Variants in FLT3 observed in about 807,000 individuals in gnomAD.
FLT3 encodes receptor-type tyrosine-protein kinase FLT3.
Under a neutral mutation model 126.6 loss-of-function variants are expected in FLT3, and 46 were observed. That is an observed-to-expected ratio of 0.36 (90% CI 0.29 to 0.46). FLT3 has a LOEUF of 0.46. Among genes scored for constraint, FLT3 ranks in the 20% least tolerant of loss-of-function variants. The pLI, the probability that FLT3 is intolerant of heterozygous loss-of-function variation, is 1.00. For missense variants in FLT3, 1,069 were observed against 1,190.3 expected (o/e 0.90, Z 1.50); for synonymous variants, 404 against 434.4 (o/e 0.93, Z 0.87).
intron 3 of FLT3, among the ~76,000 whole-genome samples, chr13:28,059,714 C>A (rs1024546721): frequency 6.6e-6 from 1 of 152,118 alleles, no homozygotes; most frequent in Non-Finnish European, 1.5e-5. Flanking sequence ...GTAATCCCAG[C>A]ACTTTGGGAG....
intron 5 of FLT3, 78 bp from the exon 6 acceptor site, chr13:28,050,300 T>G: frequency 7.0e-7 from 1 of 1,431,522 alleles, no homozygotes; most frequent in African/African-American, 1.4e-5. Context: ...AGAACAAAGT[T>G]CTAGAGCCAG....
intron 9 of FLT3, among the ~76,000 whole-genome samples, chr13:28,039,836 C>T (rs926526735): frequency 2.0e-5 from 3 of 152,114 alleles, no homozygotes; most frequent in African/African-American, 7.2e-5. Flanking sequence ...GCATGAGCCA[C>T]TGCACCTAGC....
intron 8 of FLT3, 48 bp downstream of exon 8, chr13:28,049,336 A>G: frequency 6.4e-7 from 1 of 1,551,160 alleles, no homozygotes; most frequent in Non-Finnish European, 8.8e-7. Flanking sequence ...ATTCCACACT[A>G]CAGCGACTAA....
chr13:28,030,280 G>C (rs1038652492), intron 15 of FLT3, among the ~76,000 whole-genome samples: 1 of 152,146 alleles, frequency 6.6e-6, no homozygotes, highest in Non-Finnish European at 1.5e-5. Context: ...TCAGCTTCAC[G>C]CTGGACAGGG....
intron 1 of FLT3, among the ~76,000 whole-genome samples, chr13:28,091,738 C>T (rs1879119736): frequency 6.6e-6 from 1 of 152,070 alleles, no homozygotes; most frequent in Non-Finnish European, 1.5e-5. Context: ...CATTCAAGAC[C>T]AGCCTGGGTA....
chr13:28,016,819 G>C (rs75672611), intron 20 of FLT3, among the ~76,000 whole-genome samples: 1,898 of 152,322 alleles, frequency 0.012, 19 homozygotes, highest in Non-Finnish European at 0.018. Context: ...AGCAGTCTAT[G>C]ATGAGTAGGA....
At chr13:28,015,381 G>A (rs1293907959) in intron 21 of FLT3, 125 bp from the exon 22 acceptor site, 4 of 783,472 alleles carry the variant, frequency 5.1e-6, no homozygotes, top group Non-Finnish European at 8.7e-6. Context: ...ACGGGCTGCG[G>A]CTGGGAAAAA....
chr13:28,059,958 C>CAATAAATA (rs10523017), intron 3 of FLT3, among the ~76,000 whole-genome samples: 1 of 148,086 alleles, frequency 6.8e-6, no homozygotes, highest in Admixed American at 6.8e-5. Flanking sequence ...GACTCTGCCT[C>CAATAAATA]AATAAATAAA....
intron 1 of FLT3, among the ~76,000 whole-genome samples, chr13:28,090,615 C>T (rs1182663428): frequency 6.6e-6 from 1 of 151,866 alleles, no homozygotes; most frequent in African/African-American, 2.4e-5. Context: ...CCATCTCTAC[C>T]AAAAATACAA....
intron 11 of FLT3, 101 bp from the exon 12 acceptor site, chr13:28,035,774 G>A: frequency 7.6e-7 from 1 of 1,322,638 alleles, no homozygotes; most frequent in Admixed American, 2.0e-5. Context: ...TCCAGTATAA[G>A]TTATCAGAAA....
intron 5 of FLT3, among the ~76,000 whole-genome samples, chr13:28,052,314 T>A (rs1875579332): frequency 6.6e-6 from 1 of 151,966 alleles, no homozygotes; most frequent in East Asian, 1.9e-4. Flanking sequence ...CAGGCTGGTC[T>A]CAAACTCCTG....
chr13:28,059,896 G>A (rs2137762582), intron 3 of FLT3, among the ~76,000 whole-genome samples: 1 of 151,806 alleles, frequency 6.6e-6, no homozygotes, highest in Admixed American at 6.6e-5. Flanking sequence ...GGAGGAGGAG[G>A]TTGCAGTGAG....
chr13:28,006,502 T>G (rs1265108030), intron 23 of FLT3, among the ~76,000 whole-genome samples: 1 of 152,124 alleles, frequency 6.6e-6, no homozygotes, highest in Non-Finnish European at 1.5e-5. Context: ...CAAATGTACA[T>G]CTCTACCACT....
chr13:28,036,262 G>A (rs1873831285), intron 10 of FLT3, among the ~76,000 whole-genome samples: 1 of 152,234 alleles, frequency 6.6e-6, no homozygotes, highest in South Asian at 2.1e-4. Flanking sequence ...GTTGCCTACA[G>A]TACAGGCTAC....
chr13:28,064,304 A>G (rs1815588), intron 2 of FLT3, among the ~76,000 whole-genome samples: 147,067 of 152,292 alleles, frequency 0.97, 71,214 homozygotes, highest in Non-Finnish European at 1. Flanking sequence ...GCCAGGGGCG[A>G]TGGCTCACTC....
At chr13:28,080,463 A>G (rs7321051) in intron 1 of FLT3, among the ~76,000 whole-genome samples, 80,768 of 152,112 alleles carry the variant, frequency 0.53, 22,943 homozygotes, top group East Asian at 0.73. Context: ...CAACATTATT[A>G]TCAGCTATAG....
At chr13:28,041,228 T>C (rs1388881153) in intron 9 of FLT3, among the ~76,000 whole-genome samples, 1 of 151,994 alleles carries the variant, frequency 6.6e-6, no homozygotes, top group Non-Finnish European at 1.5e-5. Context: ...GGCGTGGAAG[T>C]GGCCCAAGAG....
chr13:28,053,359 T>C (rs1875715803), intron 4 of FLT3, among the ~76,000 whole-genome samples: 1 of 149,116 alleles, frequency 6.7e-6, no homozygotes, highest in Non-Finnish European at 1.5e-5. Flanking sequence ...GCCTCTCTCC[T>C]TACAATAAAT....
chr13:28,019,885 C>G, intron 19 of FLT3, among the ~76,000 whole-genome samples: 1 of 152,154 alleles, frequency 6.6e-6, no homozygotes, highest in East Asian at 1.9e-4. Context: ...CGAGCCTACT[C>G]TCACTCCTGA....
Sources: gnomAD v4.1 joint callset for allele counts (sites outside exome capture counted in the v4.1 genomes callset) on GRCh38, gnomAD v4.1.1 for gene constraint, MANE v1.5 for transcripts, NCBI Gene and HGNC (gene_info 2026-07-23, HGNC 2026-07-21) for gene names.